Variants in NSD3 observed in about 807,000 individuals in gnomAD.
NSD3 encodes the protein nuclear receptor binding SET domain protein 3.
NSD3 carries 24 observed loss-of-function variants against 160.8 expected under a neutral mutation model. The ratio of observed to expected loss-of-function variants is 0.15; its 90% CI spans 0.11 to 0.21. The LOEUF (loss-of-function observed/expected upper bound fraction) is 0.21. Among genes scored for constraint, NSD3 ranks in the 10% least tolerant of loss-of-function variants. The pLI is 1.00. For synonymous variants in NSD3, 520 were observed against 600.0 expected (o/e 0.87, Z 1.95); for missense variants, 1,157 against 1,735.9 (o/e 0.67, Z 5.93).
At chr8:38,357,924 A>G (rs1230163090) in intron 1 of NSD3, among the ~76,000 whole-genome samples, 2 of 152,192 alleles carry the variant, frequency 1.3e-5, no homozygotes, top group African/African-American at 4.8e-5. Context: ...GAGACTAACA[A>G]CTTAGCTCAC....
chr8:38,340,991 A>G, intron 2 of NSD3, among the ~76,000 whole-genome samples: 1 of 151,674 alleles, frequency 6.6e-6, no homozygotes, highest in East Asian at 2.0e-4. Context: ...AGTGAGGCCC[A>G]GTACCTAAAA....
intron 17 of NSD3, 68 bp from the exon 18 acceptor site, chr8:38,289,573 T>A: frequency 7.3e-7 from 1 of 1,378,376 alleles, no homozygotes; most frequent in Non-Finnish European, 1.0e-6. Context: ...GATAGTAGTT[T>A]TACGCTGCCT....
chr8:38,281,631 A>C, intron 19 of NSD3, 48 bp from the exon 20 acceptor site: 3 of 1,318,408 alleles, frequency 2.3e-6, no homozygotes, highest in Non-Finnish European at 2.1e-6. Flanking sequence ...GTATTATATA[A>C]AGCATTGCTT....
At position 38,273,254 on chromosome 8, in the gene NSD3, C is replaced by G. The variant is rs915483801; in HGVS notation, c.*2387G>C. 6.6e-6 allele frequency: 1 copy of G among 152,174 alleles called. No individual in the cohort carries two copies. Among genetic ancestry groups the G allele is most frequent in the African/African-American group, 2.4e-5 (1 of 41,432 alleles). 9.4% of individuals were successfully genotyped at this position (152,174 alleles called of 1,614,324 possible). A position where few individuals can be genotyped will look rare whatever the true frequency, so the allele number is the denominator to read the frequency against. On this transcript the variant is annotated 3_prime_UTR_variant, in exon 24 of 24. Transcript: ENST00000317025. ...CTCATGATCTGCCCACCTCGGCCTC[C>G]CAAAGTGCTGGGATTACAGGTGTGA...
chr8:38,276,036 A>G lies in NSD3; in HGVS notation c.4073-154T>C, dbSNP rs1808593085. 3.7e-6 allele frequency: 3 copies of G among 814,718 alleles called. No individual in the cohort carries two copies. The African/African-American group carries it at 5.2e-5, about 14-fold the overall frequency. The allele number at this position is 814,718 out of a possible 1,614,324, so 50.5% of individuals were successfully genotyped here. A position where few individuals can be genotyped will look rare whatever the true frequency, so the allele number is the denominator to read the frequency against. On this transcript the variant is annotated intron_variant, in intron 23 of 23. Transcript: ENST00000317025. ...TTCAACCAAACATAGATCTGGGTGT[A>G]CAGTTTAGGATGGATGTGAGCTACT...
chr8:38,359,633 G>A (rs1328172679), intron 1 of NSD3, among the ~76,000 whole-genome samples: 1 of 152,160 alleles, frequency 6.6e-6, no homozygotes, highest in Non-Finnish European at 1.5e-5. Context: ...AGCTAGAATC[G>A]ATAGGATCTA....
intron 14 of NSD3, among the ~76,000 whole-genome samples, chr8:38,301,323 ATCCC>A (rs1809270306): frequency 6.6e-6 from 1 of 152,212 alleles, no homozygotes; most frequent in African/African-American, 2.4e-5. Flanking sequence ...CACGCCTGTA[ATCCC>A]AGCACTTTGG....
intron 13 of NSD3, 106 bp from the exon 14 acceptor site, chr8:38,304,863 G>A: frequency 8.2e-7 from 1 of 1,213,654 alleles, no homozygotes; most frequent in Admixed American, 2.8e-5. Flanking sequence ...GCTAGTTACA[G>A]TAGATGGAAA....
Position 38,315,797 on chromosome 8 carries a change from C to G in NSD3, c.1986+115G>C, listed in dbSNP as rs560646108. The G allele has an allele frequency of 5.7e-4, 828 of 1,440,300 alleles. 1 individual carries two copies. The highest frequency in any genetic ancestry group is 7.3e-4 in the Non-Finnish European group (779 of 1,074,460). The allele number at this position is 1,440,300 out of a possible 1,614,324, so 89.2% of individuals were successfully genotyped here. ...AAAGAATTAAGACACTCAAAATAAACAAAGTGATTTTTTTCTATGAGTATT... is the reference window on the plus strand; with the variant it reads ...AAAGAATTAAGACACTCAAAATAAAGAAAGTGATTTTTTTCTATGAGTATT... On this transcript the variant is annotated intron_variant, in intron 10 of 23. Coordinates refer to ENST00000317025, the MANE Select transcript of NSD3 (RefSeq NM_023034.2).
At chr8:38,276,830 G>T (rs1318539026) in intron 22 of NSD3, 1 of 332,002 alleles carries the variant, frequency 3.0e-6, no homozygotes, top group East Asian at 7.0e-5. Context: ...GACTACATGT[G>T]CATGTCATCA....
In NSD3 at chr8:38,290,625, C is replaced by G; in HGVS notation, c.2968G>C (p.Gly990Arg). The G allele has an allele frequency of 2.5e-6, 4 of 1,613,884 alleles. No homozygotes were observed. The highest frequency in any genetic ancestry group is 3.4e-6 in the Non-Finnish European group (4 of 1,179,868). ...AAGTCCCCCAAGTCATGTTTAAGGC[C>G]CTGGATGTTCAGTGGCACAGACCTG... is the stretch of plus-strand genomic sequence containing the variant. ...NPRSVPLNIQGLKHDLGDFPV... is the reference protein window; with the variant it reads ...NPRSVPLNIQRLKHDLGDFPV... Residue 990 changes from glycine to arginine, a missense_variant, in exon 17 of 24, where the codon GGC becomes CGC. Gly to Arg is a moderately radical substitution (Grantham distance 125). Around this residue, in one of 10 missense-constraint regions of NSD3, gnomAD observed 437 missense variants for 576.6 expected, o/e 0.76. Transcript: ENST00000317025.
At chr8:38,357,118 C>CAAAAA (rs966483645) in intron 1 of NSD3, among the ~76,000 whole-genome samples, 3,951 of 21,298 alleles carry the variant, frequency 0.19, 648 homozygotes, top group East Asian at 0.31. Context: ...GACACCATCT[C>CAAAAA]AAAAAAAAAA....
intron 4 of NSD3, among the ~76,000 whole-genome samples, chr8:38,333,436 G>C (rs1283499173): frequency 6.6e-6 from 1 of 152,312 alleles, no homozygotes; most frequent in South Asian, 2.1e-4. Context: ...AATTTTTAAT[G>C]AGTCCTAAAT....
At chr8:38,322,594 A>T (rs1215938418) in intron 7 of NSD3, among the ~76,000 whole-genome samples, 11 of 152,230 alleles carry the variant, frequency 7.2e-5, no homozygotes, top group Non-Finnish European at 8.8e-5. Context: ...TTACTGTCTT[A>T]TAGAGGATAA....
In NSD3 at chr8:38,365,162, A is replaced by G. The variant is rs748729877; in HGVS notation, c.-45+16637T>C. On this transcript the variant is annotated intron_variant, in intron 1 of 23. Transcript: ENST00000317025. ...ATTGAGTTCGCAGAGAAACATTTCT[A>G]TACAAAATTAAACTAACCAGCTTGA... Among the ~76,000 whole-genome samples the G allele has an allele frequency of 6.6e-5, 10 of 152,216 alleles. 1 individual carries two copies. The highest frequency in any genetic ancestry group is 1.2e-4 in the Non-Finnish European group (8 of 68,038).
At chr8:38,331,012 C>T (rs1027152909) in intron 5 of NSD3, among the ~76,000 whole-genome samples, 2 of 152,074 alleles carry the variant, frequency 1.3e-5, no homozygotes, top group African/African-American at 4.8e-5. Flanking sequence ...ACCTGTTTCA[C>T]AATAGGCACT....
chr8:38,317,656 AAAC>A lies in NSD3; in HGVS notation c.1855+1236_1855+1238del. The stretch of plus-strand genomic sequence containing the variant: ...TGTGCATTAATGATGCTTTATTTAA[AAAC>A]AAAAAACCAAAAACAGTCCATGTTG... On this transcript the variant is annotated intron_variant, in intron 9 of 23. Transcript: ENST00000317025. The surrounding 1 kb of genome is among the most constrained non-coding windows in gnomAD (Gnocchi z 5.3). 1 of 1,209,120 alleles carries A rather than the reference AAAC, an allele frequency of 8.3e-7. No homozygotes were observed. The highest frequency in any genetic ancestry group is 1.0e-6 in the Non-Finnish European group (1 of 966,652). 74.9% of individuals were successfully genotyped at this position (1,209,120 alleles called of 1,614,324 possible). A position where few individuals can be genotyped will look rare whatever the true frequency, so the allele number is the denominator to read the frequency against.
chr8:38,357,118 C>CAAAAAAAAAAAAAAAAAAAAAAAAAA (rs966483645), intron 1 of NSD3, among the ~76,000 whole-genome samples: 1 of 21,314 alleles, frequency 4.7e-5, no homozygotes, highest in Non-Finnish European at 8.3e-5. Flanking sequence ...GACACCATCT[C>CAAAAAAAAAAAAAAAAAAAAAAAAAA]AAAAAAAAAA....
chr8:38,306,573 A>C (rs146890188), intron 12 of NSD3, among the ~76,000 whole-genome samples: 9 of 152,320 alleles, frequency 5.9e-5, no homozygotes, highest in Admixed American at 5.2e-4. Context: ...AAAAATGACA[A>C]AAGATTATGT....
Sources: allele counts gnomAD v4.1 joint callset (sites outside exome capture counted in the v4.1 genomes callset), GRCh38; gene constraint gnomAD v4.1.1; regional missense constraint gnomAD v4.1.1; non-coding constraint Gnocchi (gnomAD v3.1); transcripts MANE v1.5; gene names NCBI Gene and HGNC (gene_info 2026-07-23, HGNC 2026-07-21).